KCNT2: variants seen among roughly 807,000 people sequenced by gnomAD.
The protein encoded by KCNT2 is potassium channel subfamily T member 2.
A neutral mutation model predicts 153.8 loss-of-function variants in KCNT2; 67 were observed. The observed-to-expected ratio is 0.44, with a 90% CI of 0.36 to 0.53. KCNT2 has a LOEUF of 0.53. Ranked by LOEUF, KCNT2 falls within the 20% of genes least tolerant of loss-of-function variation. The probability of loss-of-function intolerance (pLI) is 0.00; values close to 1 mark genes in which losing one functional copy is unlikely to be tolerated. For synonymous variants in KCNT2, 500 were observed against 458.8 expected, an observed-to-expected ratio of 1.09 and a Z score of -1.15; for missense variants, 975 against 1,354.8, an observed-to-expected ratio of 0.72 and a Z score of 4.40.
intron 5 of KCNT2, among the ~76,000 whole-genome samples, chr1:196,470,876 CTTTTT>C (rs71154745): frequency 1.8e-4 from 14 of 75,878 alleles, no homozygotes; most frequent in Admixed American, 3.1e-4. Context: ...TTCTTTCTTT[CTTTTT>C]TTTTTTTTTT....
At chr1:196,422,916 G>A (rs1490850185) in intron 12 of KCNT2, 134 bp downstream of exon 12, 8 of 522,114 alleles carry the variant, frequency 1.5e-5, no homozygotes, top group Admixed American at 3.7e-5. Flanking sequence ...AGATAGCTCA[G>A]TAATATTTGT....
At chr1:196,310,422 G>C (rs1662051954) in intron 21 of KCNT2, among the ~76,000 whole-genome samples, 1 of 151,752 alleles carries the variant, frequency 6.6e-6, no homozygotes, top group East Asian at 1.9e-4. Flanking sequence ...ATGACAGTAT[G>C]ATAAATATAA....
At chr1:196,247,868 G>A (rs1386619732) in intron 26 of KCNT2, among the ~76,000 whole-genome samples, 2 of 152,052 alleles carry the variant, frequency 1.3e-5, no homozygotes, top group Non-Finnish European at 2.9e-5. Flanking sequence ...TTAGTATATG[G>A]ATCATTCTCA....
At chr1:196,545,850 A>T (rs966242868) in intron 1 of KCNT2, among the ~76,000 whole-genome samples, 1 of 151,934 alleles carries the variant, frequency 6.6e-6, no homozygotes, top group Non-Finnish European at 1.5e-5. Flanking sequence ...CATTGAGCCT[A>T]ATGTTTTCAA....
At chr1:196,312,347 A>G (rs1412801380) in intron 21 of KCNT2, among the ~76,000 whole-genome samples, 1 of 151,570 alleles carries the variant, frequency 6.6e-6, no homozygotes, top group African/African-American at 2.4e-5. Context: ...GTTCCAGAGA[A>G]AGTTTGCTGC....
intron 1 of KCNT2, among the ~76,000 whole-genome samples, chr1:196,577,928 A>T (rs1163772857): frequency 6.6e-6 from 1 of 152,246 alleles, no homozygotes; most frequent in African/African-American, 2.4e-5. Flanking sequence ...AAAATATAAT[A>T]CACTAACATT....
chr1:196,262,294 A>G (rs1239088311), intron 25 of KCNT2, among the ~76,000 whole-genome samples: 6 of 152,002 alleles, frequency 3.9e-5, no homozygotes, highest in African/African-American at 1.4e-4. Context: ...AGAACAATGT[A>G]GTATTTTAAA....
chr1:196,563,699 C>T (rs561813530), intron 1 of KCNT2, among the ~76,000 whole-genome samples: 1 of 151,786 alleles, frequency 6.6e-6, no homozygotes, highest in Admixed American at 6.6e-5. Context: ...TTTAACGCAA[C>T]AATTATTCAA....
intron 5 of KCNT2, among the ~76,000 whole-genome samples, chr1:196,475,868 C>A (rs1420955538): frequency 6.6e-6 from 1 of 152,160 alleles, no homozygotes; most frequent in Non-Finnish European, 1.5e-5. Context: ...CTGTAACACA[C>A]TGGACTTAAC....
At chr1:196,463,027 C>T (rs2148655455) in intron 8 of KCNT2, among the ~76,000 whole-genome samples, 1 of 151,670 alleles carries the variant, frequency 6.6e-6, no homozygotes, top group Non-Finnish European at 1.5e-5. Flanking sequence ...CTTGCAAGAA[C>T]AGGGCAGCCA....
intron 8 of KCNT2, among the ~76,000 whole-genome samples, chr1:196,460,617 T>A (rs537554650): frequency 5.9e-5 from 9 of 151,782 alleles, no homozygotes; most frequent in African/African-American, 2.2e-4. Context: ...TTCACAGGTT[T>A]TAGAATGTTG....
At chr1:196,415,609 C>A (rs971933228) in intron 12 of KCNT2, among the ~76,000 whole-genome samples, 2 of 151,814 alleles carry the variant, frequency 1.3e-5, no homozygotes, top group African/African-American at 4.8e-5. Flanking sequence ...AGTCTGCTTT[C>A]TATTTTATAA....
At chr1:196,314,011 T>C (rs1210558293) in intron 21 of KCNT2, among the ~76,000 whole-genome samples, 1 of 151,620 alleles carries the variant, frequency 6.6e-6, no homozygotes, top group African/African-American at 2.4e-5. Context: ...CAGAGTAACA[T>C]AGCCTTTGCA....
At chr1:196,371,220 CAAAA>C (rs952744388) in intron 14 of KCNT2, among the ~76,000 whole-genome samples, 251 of 21,838 alleles carry the variant, frequency 0.011, no homozygotes, top group Middle Eastern at 0.033. Context: ...CCCGTCACTA[CAAAA>C]AAAAAAAAAA....
At chr1:196,428,645 C>T (rs1538687) in intron 9 of KCNT2, among the ~76,000 whole-genome samples, 94,073 of 151,868 alleles carry the variant, frequency 0.62, 29,856 homozygotes, top group Middle Eastern at 0.76. Context: ...TTACTCTTAC[C>T]ATAACACACA....
At chr1:196,450,637 A>T (rs1676076606) in intron 8 of KCNT2, among the ~76,000 whole-genome samples, 1 of 151,764 alleles carries the variant, frequency 6.6e-6, no homozygotes, top group African/African-American at 2.4e-5. Context: ...TTTAAAGCAG[A>T]TTGCAAATCC....
At chr1:196,242,188 C>G (rs567787710) in intron 26 of KCNT2, among the ~76,000 whole-genome samples, 1 of 152,040 alleles carries the variant, frequency 6.6e-6, no homozygotes, top group Non-Finnish European at 1.5e-5. Context: ...CAAAACTATA[C>G]AGATTGTCTT....
At chr1:196,263,677 GA>G (rs914804544) in intron 25 of KCNT2, among the ~76,000 whole-genome samples, 21 of 151,692 alleles carry the variant, frequency 1.4e-4, no homozygotes, top group African/African-American at 3.1e-4. Flanking sequence ...ATGTCCAAGT[GA>G]AAAAAATATC....
At chr1:196,442,255 T>C (rs1675298624) in intron 8 of KCNT2, among the ~76,000 whole-genome samples, 2 of 151,862 alleles carry the variant, frequency 1.3e-5, no homozygotes, top group South Asian at 4.1e-4. Context: ...TTTCTACTAA[T>C]AAATGAGAAC....
Sources: allele counts gnomAD v4.1 joint callset (sites outside exome capture counted in the v4.1 genomes callset), GRCh38; gene constraint gnomAD v4.1.1; transcripts MANE v1.5; gene names NCBI Gene and HGNC (gene_info 2026-07-23, HGNC 2026-07-21).